The following SORBS2 variants were observed in gnomAD, a reference collection of about 807,000 sequenced individuals.
SORBS2 encodes sorbin and SH3 domain-containing protein 2.
Under a neutral mutation model 97.7 loss-of-function variants are expected in SORBS2, and 46 were observed. That is an observed-to-expected ratio of 0.47 (90% CI 0.37 to 0.60). The LOEUF (loss-of-function observed/expected upper bound fraction) is 0.60. Ranked by LOEUF, SORBS2 falls within the 20% of genes least tolerant of loss-of-function variation. The pLI is 0.00. For synonymous variants in SORBS2, 476 were observed against 473.4 expected, an observed-to-expected ratio of 1.01 and a Z score of -0.07; for missense variants, 1,316 against 1,282.3, an observed-to-expected ratio of 1.03 and a Z score of -0.40.
intron 2 of SORBS2, chr4:185,773,892 A>T (rs1221229356): frequency 6.6e-6 from 1 of 151,530 alleles, no homozygotes; most frequent in East Asian, 1.9e-4. Context: ...GAAATCCCTT[A>T]TCCCTTACAC....
At chr4:185,662,633 T>G (rs760473040) in intron 4 of SORBS2, among the ~76,000 whole-genome samples, 1 of 152,216 alleles carries the variant, frequency 6.6e-6, no homozygotes, top group African/African-American at 2.4e-5. Context: ...GCATGCAGCA[T>G]TGACGTGGAT....
intron 12 of SORBS2, among the ~76,000 whole-genome samples, chr4:185,603,786 TA>T (rs1294505909): frequency 6.6e-6 from 1 of 152,232 alleles, no homozygotes; most frequent in Non-Finnish European, 1.5e-5. Context: ...AATAATTTTT[TA>T]AAAATAGTAT....
chr4:185,712,975 T>C (rs2098436771), intron 2 of SORBS2, among the ~76,000 whole-genome samples: 1 of 152,308 alleles, frequency 6.6e-6, no homozygotes, highest in South Asian at 2.1e-4. Context: ...TTTTTCTCCC[T>C]TCCTCCATTG....
chr4:185,895,214 A>G (rs897208555), intron 1 of SORBS2, among the ~76,000 whole-genome samples: 2 of 152,222 alleles, frequency 1.3e-5, no homozygotes, highest in African/African-American at 4.8e-5. Flanking sequence ...GATGCCACTG[A>G]AGCAACAGCA....
At position 185,842,161 on chromosome 4, in the gene SORBS2, T is replaced by C. The variant is rs2099211929; in HGVS notation, c.-337-66795A>G. 2.6e-5 allele frequency among the ~76,000 whole-genome samples: 4 copies of C among 152,234 alleles called. No individual in the cohort carries two copies. The South Asian group carries it at 6.2e-4, about 24-fold the overall frequency. On this transcript the variant is annotated intron_variant, in intron 1 of 20. Transcript: ENST00000284776. ...AGGAATAAAATGACAGAAGACCATA[T>C]GAAAGACGATGTGTAGGTGGTAGAG...
intron 1 of SORBS2, among the ~76,000 whole-genome samples, chr4:185,784,538 G>A (rs972261758): frequency 6.6e-6 from 1 of 152,156 alleles, no homozygotes; most frequent in Non-Finnish European, 1.5e-5. Context: ...ATGGAGAGAG[G>A]ATAGAGAGGA....
chr4:185,707,217 C>A (rs1361869879), intron 2 of SORBS2, among the ~76,000 whole-genome samples: 5 of 152,092 alleles, frequency 3.3e-5, no homozygotes, highest in Non-Finnish European at 7.4e-5. Context: ...TATTTTACTG[C>A]AAAGAAACGC....
intron 2 of SORBS2, among the ~76,000 whole-genome samples, chr4:185,711,382 AC>A (rs1379770893): frequency 6.6e-6 from 1 of 152,170 alleles, no homozygotes; most frequent in East Asian, 1.9e-4. Flanking sequence ...GATCTAGACA[AC>A]TTTTTCATAC....
At chr4:185,644,059 T>A (rs1267736870) in intron 4 of SORBS2, among the ~76,000 whole-genome samples, 1 of 152,170 alleles carries the variant, frequency 6.6e-6, no homozygotes, top group Admixed American at 6.5e-5. Context: ...CTAATTTTTT[T>A]AAAAAGATGA....
intron 2 of SORBS2, among the ~76,000 whole-genome samples, chr4:185,736,224 G>GT (rs1475331148): frequency 4.6e-5 from 7 of 152,240 alleles, no homozygotes; most frequent in Admixed American, 2.0e-4. Flanking sequence ...AAACTTTGTG[G>GT]TTTTGTCATC....
At chr4:185,716,862 T>C (rs2098469827) in intron 2 of SORBS2, among the ~76,000 whole-genome samples, 2 of 152,162 alleles carry the variant, frequency 1.3e-5, no homozygotes, top group African/African-American at 4.8e-5. Flanking sequence ...CTGTGAGCGG[T>C]CCACCCCTGC....
intron 2 of SORBS2, among the ~76,000 whole-genome samples, chr4:185,697,467 T>A (rs2098192810): frequency 6.6e-6 from 1 of 152,156 alleles, no homozygotes; most frequent in Admixed American, 6.6e-5. Flanking sequence ...AGCTAAGATT[T>A]TCCCCCCCAC....
chr4:185,637,922 C>G (rs1189888257), intron 4 of SORBS2, among the ~76,000 whole-genome samples, 157 bp downstream of exon 15: 1 of 152,064 alleles, frequency 6.6e-6, no homozygotes, highest in Non-Finnish European at 1.5e-5. Flanking sequence ...CCATTTGGTA[C>G]AGAAATGAAT....
intron 3 of SORBS2, among the ~76,000 whole-genome samples, chr4:185,647,946 T>C (rs1425385082): frequency 6.6e-6 from 1 of 152,202 alleles, no homozygotes; most frequent in Non-Finnish European, 1.5e-5. Flanking sequence ...ATTTTGGTTA[T>C]TTTTTGATGA....
chr4:185,706,593 T>G (rs188350989), intron 2 of SORBS2, among the ~76,000 whole-genome samples: 1 of 152,152 alleles, frequency 6.6e-6, no homozygotes, highest in East Asian at 1.9e-4. Context: ...AAGATAGACC[T>G]TCGTAAGGAC....
chr4:185,658,667 G>A (rs1459529233), upstream of SORBS2, among the ~76,000 whole-genome samples: 2 of 146,206 alleles, frequency 1.4e-5, no homozygotes, highest in Admixed American at 1.4e-4. Context: ...TATTTTTCAT[G>A]AAAAATTTGT....
chr4:185,697,642 T>C (rs1241066112), intron 2 of SORBS2, among the ~76,000 whole-genome samples: 1 of 152,198 alleles, frequency 6.6e-6, no homozygotes, highest in Non-Finnish European at 1.5e-5. Flanking sequence ...TGACAGCTGA[T>C]AGCCGAAAGC....
intron 4 of SORBS2, among the ~76,000 whole-genome samples, chr4:185,634,962 T>A (rs1420097723): frequency 6.6e-6 from 1 of 152,212 alleles, no homozygotes; most frequent in Non-Finnish European, 1.5e-5. Flanking sequence ...AGGCATCTGA[T>A]TATCCACACT....
At chr4:185,683,789 C>T (rs1028212153) in intron 2 of SORBS2, among the ~76,000 whole-genome samples, 2 of 151,540 alleles carry the variant, frequency 1.3e-5, no homozygotes, top group Admixed American at 6.6e-5. Flanking sequence ...ATTTTTTTTT[C>T]TCAAGAAAAA....
Sources: allele counts gnomAD v4.1 joint callset (sites outside exome capture counted in the v4.1 genomes callset), GRCh38; gene constraint gnomAD v4.1.1; transcripts MANE v1.5; gene names NCBI Gene and HGNC (gene_info 2026-07-23, HGNC 2026-07-21).